SLC38A10: variants seen among roughly 807,000 people sequenced by gnomAD.
SLC38A10 encodes the protein Sodium-coupled neutral amino acid transporter 10.
SLC38A10 carries 53 observed loss-of-function variants against 81.0 expected under a neutral mutation model. That is an observed-to-expected ratio of 0.65 (90% CI 0.53 to 0.82). The LOEUF (loss-of-function observed/expected upper bound fraction) is 0.82, where lower values mean the gene tolerates loss of function less well. Among genes scored for constraint, SLC38A10 ranks in the 40% least tolerant of loss-of-function variants. SLC38A10 has a pLI of 0.00. For missense variants in SLC38A10, 1,471 were observed against 1,545.0 expected, an observed-to-expected ratio of 0.95 and a Z score of 0.80; for synonymous variants, 665 against 655.3, an observed-to-expected ratio of 1.01 and a Z score of -0.23.
Position 81,286,895 on chromosome 17 carries a change from C to T in SLC38A10, c.218-2000G>A, listed in dbSNP as rs1270144940. On this transcript the variant is annotated intron_variant, in intron 2 of 15. Coordinates refer to ENST00000374759, the MANE Select transcript of SLC38A10 (RefSeq NM_001037984.3). The surrounding 1 kb of genome is among the most constrained non-coding windows in gnomAD (Gnocchi z 6.0). ...CGGTTTCTAGCCCAGACCACGCATGCCAGGGTTCAGGCACAACTCTCAACA... is the reference window on the plus strand; with the variant it reads ...CGGTTTCTAGCCCAGACCACGCATGTCAGGGTTCAGGCACAACTCTCAACA... Among the ~76,000 whole-genome samples the T allele has an allele frequency of 6.6e-6, 1 of 152,118 alleles. No individual in the cohort carries two copies. Among genetic ancestry groups the T allele is most frequent in the African/African-American group, 2.4e-5 (1 of 41,412 alleles).
At chr17:81,271,238 CT>C (rs1424653016) in intron 9 of SLC38A10, among the ~76,000 whole-genome samples, 2 of 152,258 alleles carry the variant, frequency 1.3e-5, no homozygotes, top group African/African-American at 4.8e-5. Context: ...GGTGAATTCT[CT>C]GATGGTTCAT....
intron 2 of SLC38A10, among the ~76,000 whole-genome samples, chr17:81,287,683 A>C (rs2063279135): frequency 6.6e-6 from 1 of 152,240 alleles, no homozygotes; most frequent in African/African-American, 2.4e-5. Flanking sequence ...CTCAGGCAGG[A>C]GTTCCAGGCA....
In SLC38A10 at chr17:81,251,639, G is replaced by A. The variant is rs202104369; in HGVS notation, c.1946-27C>T. The A allele has an allele frequency of 8.9e-6, 13 of 1,467,310 alleles. No homozygotes were observed. The African/African-American group carries it at 1.7e-4, about 19-fold the overall frequency. 90.9% of individuals were successfully genotyped at this position (1,467,310 alleles called of 1,614,324 possible). ...TGCACACACGGTGAAGACTCAGAAG[G>A]TTTTGCAGGAAAGTCAAGGGAGGGT... On this transcript the variant is annotated intron_variant, in intron 13 of 15. Coordinates refer to ENST00000374759, the MANE Select transcript of SLC38A10 (RefSeq NM_001037984.3).
At chr17:81,293,511 G>A (rs74002235) in intron 1 of SLC38A10, among the ~76,000 whole-genome samples, 2,495 of 151,984 alleles carry the variant, frequency 0.016, 69 homozygotes, top group African/African-American at 0.058. Flanking sequence ...CTGTTGTGTT[G>A]CCCAGGCTGG....
intron 5 of SLC38A10, among the ~76,000 whole-genome samples, chr17:81,280,961 G>A (rs2063207059): frequency 1.3e-5 from 2 of 152,192 alleles, no homozygotes; most frequent in Non-Finnish European, 2.9e-5. Flanking sequence ...GAGCACCCTG[G>A]TTCATCCCGC....
At position 81,270,894 on chromosome 17, in the gene SLC38A10, G is replaced by C. The variant is rs779653534; in HGVS notation, c.1131+24C>G. 1.9e-6 allele frequency: 3 copies of C among 1,609,116 alleles called. No homozygotes were observed. Among genetic ancestry groups the C allele is most frequent in the Non-Finnish European group, 2.6e-6 (3 of 1,175,820 alleles). On this transcript the variant is annotated intron_variant, in intron 10 of 15. Coordinates refer to ENST00000374759, the MANE Select transcript of SLC38A10 (RefSeq NM_001037984.3). The surrounding 1 kb of genome is among the most constrained non-coding windows in gnomAD (Gnocchi z 4.0). ...GCCCAGACCCATCAGCCCTCGTCCA[G>C]GCCACCCCACGAGCAGCACGCACCT...
chr17:81,256,669 C>T (rs897743464), intron 11 of SLC38A10, among the ~76,000 whole-genome samples: 11 of 152,266 alleles, frequency 7.2e-5, no homozygotes, highest in Non-Finnish European at 1.5e-4. Context: ...TGGCCGCTGA[C>T]GTGACTTCAA....
chr17:81,266,475 C>T (rs764345770), intron 10 of SLC38A10, among the ~76,000 whole-genome samples: 4 of 151,924 alleles, frequency 2.6e-5, no homozygotes, highest in African/African-American at 9.7e-5. Context: ...AAAAATTAGC[C>T]GGGCATGGTT....
intron 8 of SLC38A10, among the ~76,000 whole-genome samples, chr17:81,274,762 G>A (rs1271620981): frequency 2.6e-5 from 4 of 152,088 alleles, no homozygotes; most frequent in South Asian, 2.1e-4. Context: ...ACAGCGCAGC[G>A]GGCCTTTCAT....
intron 2 of SLC38A10, chr17:81,285,313 C>T (rs977322725): frequency 9.6e-5 from 16 of 167,204 alleles, no homozygotes; most frequent in East Asian, 3.3e-4. Flanking sequence ...GGTACCCGAG[C>T]GCCACAGCCT....
intron 2 of SLC38A10, among the ~76,000 whole-genome samples, chr17:81,287,953 G>GC (rs907518280): frequency 6.6e-6 from 1 of 152,244 alleles, no homozygotes; most frequent in African/African-American, 2.4e-5. Flanking sequence ...CCAGGAAGGG[G>GC]CCCGCCCAGG....
Position 81,290,889 on chromosome 17 carries a change from C to G in SLC38A10, c.100-1081G>C, listed in dbSNP as rs1168299446. On this transcript the variant is annotated intron_variant, in intron 1 of 15. Transcript: ENST00000374759. Reference sequence around the variant, plus strand: ...AGCATGGTGGTGTGTGCCTGTAATCCCAGCTACTTGGGAGGCTGAGGCAGG... The same window carrying G: ...AGCATGGTGGTGTGTGCCTGTAATCGCAGCTACTTGGGAGGCTGAGGCAGG... 2.6e-5 allele frequency among the ~76,000 whole-genome samples: 4 copies of G among 152,144 alleles called. No homozygotes were observed. In the East Asian group the frequency reaches 7.7e-4, roughly 29 times the overall value.
intron 3 of SLC38A10, among the ~76,000 whole-genome samples, chr17:81,284,076 G>C (rs1413331445): frequency 6.6e-6 from 1 of 151,734 alleles, no homozygotes; most frequent in Non-Finnish European, 1.5e-5. Context: ...CTCCATGATG[G>C]GCCTGGCACA....
chr17:81,284,736 C>T, intron 3 of SLC38A10, 114 bp downstream of exon 3: 2 of 842,740 alleles, frequency 2.4e-6, no homozygotes, highest in Non-Finnish European at 3.5e-6. Context: ...AGCGACTCTT[C>T]AGAAACCTAA....
In SLC38A10 at chr17:81,267,028, C is replaced by T. The variant is rs990992515; in HGVS notation, c.1131+3890G>A. ...TTCCAAGAGCAACAAGTCACAACTC[C>T]GTGAGTGTTACCAGGGTGTGGCAAC... is the stretch of plus-strand genomic sequence containing the variant. On this transcript the variant is annotated intron_variant, in intron 10 of 15. Transcript: ENST00000374759. Among the ~76,000 whole-genome samples the T allele has an allele frequency of 5.9e-5, 9 of 152,306 alleles. No homozygotes were observed. The South Asian group carries it at 1.7e-3, about 28-fold the overall frequency.
intron 10 of SLC38A10, chr17:81,263,359 G>C (rs1341927612): frequency 6.6e-6 from 1 of 152,446 alleles, no homozygotes; most frequent in African/African-American, 2.4e-5. Context: ...CCTACCCCAA[G>C]GCGTCCCCAT....
rs1166152333 is a variant in SLC38A10 at position 81,260,310 on chromosome 17, C to T, written c.1216G>A (p.Ala406Thr). 3 of 1,608,258 alleles carry T rather than the reference C, an allele frequency of 1.9e-6. No individual in the cohort carries two copies. In the South Asian group the frequency reaches 3.3e-5, roughly 18 times the overall value. The change falls in exon 11 of 16, where the codon GCA becomes ACA. Residue 406 changes from alanine to threonine, a missense_variant. Ala to Thr is a moderately conservative substitution (Grantham distance 58). Around this residue, in one of 2 missense-constraint regions of SLC38A10, gnomAD observed 720 missense variants for 827.7 expected, o/e 0.87. Transcript: ENST00000374759. ...AGCCGGCCGCCAGGGGCTTCCTCTG[C>T]CAAGTCCTCGGGGACCTCCTCGCTC... ...SVSEEVPEDLAEEAPGGRLGE... is the reference protein window; with the variant it reads ...SVSEEVPEDLTEEAPGGRLGE...
At chr17:81,280,942 C>T (rs2063206774) in intron 5 of SLC38A10, among the ~76,000 whole-genome samples, 1 of 152,178 alleles carries the variant, frequency 6.6e-6, no homozygotes, top group South Asian at 2.1e-4. Context: ...ATTCCCAACC[C>T]CTGCCTCAGA....
intron 13 of SLC38A10, chr17:81,251,917 G>A (rs1428990149): frequency 3.8e-6 from 2 of 528,884 alleles, no homozygotes; most frequent in Admixed American, 3.8e-5. Context: ...GGCGCCCCCC[G>A]CGCCGCCCCC....
Sources: allele counts gnomAD v4.1 joint callset (sites outside exome capture counted in the v4.1 genomes callset), GRCh38; gene constraint gnomAD v4.1.1; regional missense constraint gnomAD v4.1.1; non-coding constraint Gnocchi (gnomAD v3.1); transcripts MANE v1.5; gene names NCBI Gene and HGNC (gene_info 2026-07-23, HGNC 2026-07-21).